The following STPG2 variants were observed in gnomAD, a reference collection of about 807,000 sequenced individuals.
STPG2 encodes sperm tail PG-rich repeat containing 2.
A neutral mutation model predicts 54.2 loss-of-function variants in STPG2; 56 were observed. The ratio of observed to expected loss-of-function variants is 1.03; its 90% CI spans 0.83 to 1.29. STPG2 has a LOEUF of 1.29. Ranked by LOEUF, STPG2 falls within the 50% of genes most tolerant of loss-of-function variation. The pLI is 0.00. For missense variants in STPG2, 596 were observed against 544.9 expected (o/e 1.09, Z -0.93); for synonymous variants, 200 against 181.8 (o/e 1.10, Z -0.81).
intron 10 of STPG2, among the ~76,000 whole-genome samples, chr4:97,693,884 A>C (rs529850607): frequency 6.6e-6 from 1 of 152,330 alleles, no homozygotes; most frequent in East Asian, 1.9e-4. Flanking sequence ...ATGCAAATAC[A>C]TGGAAATTAA....
intron 9 of STPG2, among the ~76,000 whole-genome samples, chr4:97,820,682 C>T (rs1307627130): frequency 1.3e-5 from 2 of 152,186 alleles, no homozygotes; most frequent in Non-Finnish European, 2.9e-5. Context: ...AAGCATGGCA[C>T]TGACATCTGC....
chr4:97,668,316 G>C (rs548148421), intron 10 of STPG2, among the ~76,000 whole-genome samples: 1 of 152,150 alleles, frequency 6.6e-6, no homozygotes, highest in Non-Finnish European at 1.5e-5. Context: ...TGGAAAGATA[G>C]ACAAGTGGCC....
At chr4:97,951,428 C>T (rs1733464237) in intron 7 of STPG2, among the ~76,000 whole-genome samples, 1 of 151,766 alleles carries the variant, frequency 6.6e-6, no homozygotes, top group South Asian at 2.1e-4. Flanking sequence ...TTTTCTGGTT[C>T]CTTCTCATTT....
chr4:97,513,165 A>C (rs1483169161), intron 4 of STPG2, among the ~76,000 whole-genome samples: 1 of 152,090 alleles, frequency 6.6e-6, no homozygotes, highest in African/African-American at 2.4e-5. Flanking sequence ...TATTATAAAG[A>C]ATATTACGAA....
rs1730137163 is a variant in STPG2, at chr4:97,478,628, T to C, written c.462+234071A>G. Among the ~76,000 whole-genome samples the C allele has an allele frequency of 2.6e-5, 4 of 152,232 alleles. No homozygotes were observed. In the South Asian group the frequency reaches 8.3e-4, roughly 32 times the overall value. ...TGCTACTTTTTAATTATTTTTGTACTCATTTAGTTATAGTTTAGTTTTAAT... is the reference window on the plus strand; with the variant it reads ...TGCTACTTTTTAATTATTTTTGTACCCATTTAGTTATAGTTTAGTTTTAAT... On this transcript the variant is annotated intron_variant, in intron 4 of 4. Transcript: ENST00000522676.
At chr4:97,906,751 G>C (rs368666497) in intron 8 of STPG2, among the ~76,000 whole-genome samples, 1 of 151,736 alleles carries the variant, frequency 6.6e-6, no homozygotes, top group Non-Finnish European at 1.5e-5. Flanking sequence ...TATAAACAGA[G>C]CCAAAGACAA....
Position 97,628,871 on chromosome 4 carries a change from G to T in STPG2, c.1321-69754C>A, listed in dbSNP as rs148092941. ...CAATTTGACTCTAGATTAACTTCGT[G>T]CTGGTAAGTGGAATCTATACACAAC... is the stretch of plus-strand genomic sequence containing the variant. On this transcript the variant is annotated intron_variant, in intron 10 of 10. Coordinates refer to ENST00000295268, the MANE Select transcript of STPG2 (RefSeq NM_174952.3). 4.1e-3 allele frequency among the ~76,000 whole-genome samples: 628 copies of T among 152,088 alleles called. 3 individuals are homozygous for T. Among genetic ancestry groups the T allele is most frequent in the South Asian group, 0.02 (98 of 4,828 alleles).
chr4:97,802,662 G>A (rs976447021), intron 9 of STPG2, among the ~76,000 whole-genome samples: 2 of 151,886 alleles, frequency 1.3e-5, no homozygotes, highest in African/African-American at 4.8e-5. Context: ...GTAGAGATGG[G>A]GTTTCACCAT....
At chr4:98,133,271 C>T (rs144370905) in intron 2 of STPG2, among the ~76,000 whole-genome samples, 25 of 152,034 alleles carry the variant, frequency 1.6e-4, no homozygotes, top group African/African-American at 5.3e-4. Flanking sequence ...TAAACAATTA[C>T]AGTGCAATCA....
chr4:97,839,491 A>T (rs2149120266), intron 9 of STPG2, among the ~76,000 whole-genome samples: 2 of 151,748 alleles, frequency 1.3e-5, no homozygotes, highest in South Asian at 4.1e-4. Flanking sequence ...AGACCCTGAG[A>T]TTAATATTAT....
chr4:97,565,866 G>A (rs957365514), intron 10 of STPG2, among the ~76,000 whole-genome samples: 1 of 151,880 alleles, frequency 6.6e-6, no homozygotes, highest in Non-Finnish European at 1.5e-5. Flanking sequence ...TCCCAGTTAG[G>A]CTGCTCAGAG....
chr4:97,770,364 G>C (rs374772072), intron 9 of STPG2, among the ~76,000 whole-genome samples: 10 of 152,182 alleles, frequency 6.6e-5, no homozygotes, highest in African/African-American at 2.4e-4. Context: ...CAAGAACTGA[G>C]TCAGGTGGAT....
intron 9 of STPG2, among the ~76,000 whole-genome samples, chr4:97,785,861 T>C (rs1726805819): frequency 6.6e-6 from 1 of 151,884 alleles, no homozygotes; most frequent in African/African-American, 2.4e-5. Flanking sequence ...TATATGAGTT[T>C]AAGAGGGATG....
At chr4:97,862,813 C>T (rs970941355) in intron 8 of STPG2, among the ~76,000 whole-genome samples, 4 of 152,194 alleles carry the variant, frequency 2.6e-5, no homozygotes, top group Admixed American at 2.6e-4. Context: ...CACTCAACTA[C>T]ATGGAAACTG....
chr4:97,505,290 C>T (rs1266305379), intron 4 of STPG2, among the ~76,000 whole-genome samples: 4 of 151,744 alleles, frequency 2.6e-5, no homozygotes, highest in African/African-American at 9.7e-5. Context: ...TCATGAGTAC[C>T]CTCAGGTGAT....
intron 9 of STPG2, among the ~76,000 whole-genome samples, chr4:97,800,209 G>A (rs1578576183): frequency 6.6e-6 from 1 of 152,294 alleles, no homozygotes; most frequent in East Asian, 1.9e-4. Context: ...GTCCAGCTTC[G>A]TTCCATTACT....
At chr4:97,856,440 C>G (rs964571827) in intron 8 of STPG2, among the ~76,000 whole-genome samples, 1 of 152,134 alleles carries the variant, frequency 6.6e-6, no homozygotes, top group Non-Finnish European at 1.5e-5. Context: ...TAGGAGCTTA[C>G]ACATGATTTG....
chr4:98,109,447 C>G, intron 3 of STPG2, 142 bp from the exon 4 acceptor site: 2 of 588,568 alleles, frequency 3.4e-6, no homozygotes, highest in South Asian at 2.3e-5. Flanking sequence ...CTAAAGTGCT[C>G]TTGGATAGAT....
At chr4:98,018,670 C>T (rs935500497) in intron 5 of STPG2, among the ~76,000 whole-genome samples, 1 of 151,404 alleles carries the variant, frequency 6.6e-6, no homozygotes, top group Non-Finnish European at 1.5e-5. Context: ...CACATCCTCT[C>T]CAGCACCTAT....
Sources: allele counts gnomAD v4.1 joint callset (sites outside exome capture counted in the v4.1 genomes callset), GRCh38; gene constraint gnomAD v4.1.1; transcripts MANE v1.5; gene names NCBI Gene and HGNC (gene_info 2026-07-23, HGNC 2026-07-21).